PTPRR: variants seen among roughly 807,000 people sequenced by gnomAD.
PTPRR encodes the protein receptor-type tyrosine-protein phosphatase R.
PTPRR carries 38 observed loss-of-function variants against 77.2 expected under a neutral mutation model. The ratio of observed to expected loss-of-function variants is 0.49; its 90% CI spans 0.38 to 0.65. The LOEUF (loss-of-function observed/expected upper bound fraction) is 0.65, where lower values mean the gene tolerates loss of function less well. Among genes scored for constraint, PTPRR ranks in the 30% least tolerant of loss-of-function variants. The probability of loss-of-function intolerance (pLI) is 0.00; values close to 1 mark genes in which losing one functional copy is unlikely to be tolerated. For synonymous variants in PTPRR, 299 were observed against 283.1 expected (o/e 1.06, Z -0.57); for missense variants, 744 against 799.2 (o/e 0.93, Z 0.83).
intron 2 of PTPRR, among the ~76,000 whole-genome samples, chr12:70,783,128 C>A (rs555342667): frequency 6.6e-6 from 1 of 152,128 alleles, no homozygotes; most frequent in African/African-American, 2.4e-5. Flanking sequence ...TCTTGTCCTG[C>A]ATTCAGGAAG....
At chr12:70,763,005 A>G (rs1890727613) in intron 3 of PTPRR, among the ~76,000 whole-genome samples, 1 of 152,104 alleles carries the variant, frequency 6.6e-6, no homozygotes, top group African/African-American at 2.4e-5. Context: ...ATAAAAGTAT[A>G]TCTAAGATAT....
chr12:70,662,468 T>G (rs1310269666), intron 11 of PTPRR, 27 bp downstream of exon 11: 1 of 1,362,424 alleles, frequency 7.3e-7, no homozygotes, highest in Non-Finnish European at 1.0e-6. Context: ...ATCTACTTTG[T>G]AGATGGCTAT....
intron 2 of PTPRR, among the ~76,000 whole-genome samples, chr12:70,839,212 C>G (rs1892353825): frequency 6.6e-6 from 1 of 152,072 alleles, no homozygotes; most frequent in African/African-American, 2.4e-5. Context: ...CAGAACTATC[C>G]CACCTACCTG....
chr12:70,665,527 G>A (rs1002258257), intron 10 of PTPRR, among the ~76,000 whole-genome samples: 1 of 151,470 alleles, frequency 6.6e-6, no homozygotes, highest in African/African-American at 2.4e-5. Flanking sequence ...GATTACAGGT[G>A]TGCACCATCA....
At chr12:70,875,614 A>G (rs1893037667) in intron 2 of PTPRR, among the ~76,000 whole-genome samples, 1 of 151,926 alleles carries the variant, frequency 6.6e-6, no homozygotes, top group Non-Finnish European at 1.5e-5. Context: ...TCCGCCTTGT[A>G]AGAATGACTG....
chr12:70,731,625 G>T (rs542574151), intron 6 of PTPRR, among the ~76,000 whole-genome samples: 1 of 152,342 alleles, frequency 6.6e-6, no homozygotes, highest in South Asian at 2.1e-4. Context: ...ACATAGGGTG[G>T]TTGGATAATT....
intron 10 of PTPRR, among the ~76,000 whole-genome samples, chr12:70,670,574 C>T (rs1005485432): frequency 3.3e-5 from 5 of 152,156 alleles, no homozygotes; most frequent in African/African-American, 1.2e-4. Context: ...AAACATCTTC[C>T]ACTGTGTATG....
intron 2 of PTPRR, among the ~76,000 whole-genome samples, chr12:70,825,906 C>T (rs986609636): frequency 6.6e-6 from 1 of 152,174 alleles, no homozygotes; most frequent in African/African-American, 2.4e-5. Flanking sequence ...AGCAATCCTG[C>T]TGTTTTTGGG....
At chr12:70,686,046 C>T (rs1198257136) in intron 8 of PTPRR, among the ~76,000 whole-genome samples, 2 of 152,120 alleles carry the variant, frequency 1.3e-5, no homozygotes, top group Non-Finnish European at 2.9e-5. Flanking sequence ...ATGTTATATC[C>T]TAGTGGTTGC....
At chr12:70,783,952 A>G (rs1440054758) in intron 2 of PTPRR, among the ~76,000 whole-genome samples, 1 of 151,660 alleles carries the variant, frequency 6.6e-6, no homozygotes, top group African/African-American at 2.4e-5. Flanking sequence ...ACCTGGGCTC[A>G]GCCCCAACCC....
chr12:70,858,468 A>C (rs1206356730), intron 2 of PTPRR, among the ~76,000 whole-genome samples: 1 of 152,026 alleles, frequency 6.6e-6, no homozygotes, highest in African/African-American at 2.4e-5. Context: ...TAGCAGTGGA[A>C]TGTTTCTCTT....
intron 2 of PTPRR, among the ~76,000 whole-genome samples, chr12:70,809,969 T>C (rs1891780998): frequency 6.6e-6 from 1 of 152,192 alleles, no homozygotes; most frequent in Non-Finnish European, 1.5e-5. Flanking sequence ...TCCACCTTAT[T>C]TAGATGGACT....
intron 13 of PTPRR, among the ~76,000 whole-genome samples, chr12:70,642,719 A>G (rs1886051746): frequency 6.6e-6 from 1 of 152,342 alleles, no homozygotes; most frequent in South Asian, 2.1e-4. Flanking sequence ...GTCATGTGAA[A>G]ACAGATAAAC....
At chr12:70,716,125 C>T (rs1481676222) in intron 6 of PTPRR, among the ~76,000 whole-genome samples, 2 of 152,114 alleles carry the variant, frequency 1.3e-5, no homozygotes, top group African/African-American at 4.8e-5. Flanking sequence ...CCCTGACTTC[C>T]CGCAACCTTA....
At chr12:70,821,838 GTATTTTTAGTACAGA>G (rs1218181994) in intron 2 of PTPRR, among the ~76,000 whole-genome samples, 1 of 151,754 alleles carries the variant, frequency 6.6e-6, no homozygotes, top group Non-Finnish European at 1.5e-5. Flanking sequence ...CTAATTTTTT[GTATTTTTAGTACAGA>G]TGGTGTTTCA....
chr12:70,667,158 G>A (rs1222157810), intron 10 of PTPRR, among the ~76,000 whole-genome samples: 8 of 151,552 alleles, frequency 5.3e-5, no homozygotes, highest in Non-Finnish European at 1.0e-4. Flanking sequence ...GAGTTTCACC[G>A]TGTTAGCCAG....
chr12:70,761,980 T>G (rs1025282639), intron 3 of PTPRR, among the ~76,000 whole-genome samples: 5 of 152,208 alleles, frequency 3.3e-5, no homozygotes, highest in African/African-American at 1.2e-4. Flanking sequence ...TAAAATCAAA[T>G]GAATTAAAGT....
At chr12:70,850,474 T>A (rs1892554251) in intron 2 of PTPRR, among the ~76,000 whole-genome samples, 1 of 152,196 alleles carries the variant, frequency 6.6e-6, no homozygotes, top group Admixed American at 6.5e-5. Context: ...CTAACTAAAA[T>A]GACTACCTAC....
chr12:70,739,141 T>C (rs1228706497), intron 6 of PTPRR, among the ~76,000 whole-genome samples: 1 of 152,200 alleles, frequency 6.6e-6, no homozygotes, highest in African/African-American at 2.4e-5. Flanking sequence ...GGCTCAACTG[T>C]AGCAATTCAG....
Sources: allele counts gnomAD v4.1 joint callset (sites outside exome capture counted in the v4.1 genomes callset), GRCh38; gene constraint gnomAD v4.1.1; transcripts MANE v1.5; gene names NCBI Gene and HGNC (gene_info 2026-07-23, HGNC 2026-07-21).